CSMD1: variants seen among roughly 807,000 people sequenced by gnomAD.
CSMD1 encodes the protein CUB and Sushi multiple domains 1, also known as CUB and sushi domain-containing protein 1.
In CSMD1, 213 loss-of-function variants were observed where a neutral mutation model predicts 417.5. That is an observed-to-expected ratio of 0.51 (90% CI 0.46 to 0.57). The LOEUF (loss-of-function observed/expected upper bound fraction) is 0.57, where lower values mean the gene tolerates loss of function less well. Ranked by LOEUF, CSMD1 falls within the 20% of genes least tolerant of loss-of-function variation. The pLI is 0.00. For missense variants in CSMD1, 6,923 were observed against 4,529.7 expected, an observed-to-expected ratio of 1.53 and a Z score of -15.17; for synonymous variants, 2,862 against 1,736.8, an observed-to-expected ratio of 1.65 and a Z score of -16.11.
rs564218500 is a variant in CSMD1, at chr8:4,443,802, G to C, written c.303-23737C>G. On this transcript the variant is annotated intron_variant, in intron 2 of 69. Transcript: ENST00000635120. Reference sequence around the variant, plus strand: ...CCAAGTGTGATCTGTGTCATGTCCAGAAAATCCCTTATATGGTGATCACAG... The same window carrying C: ...CCAAGTGTGATCTGTGTCATGTCCACAAAATCCCTTATATGGTGATCACAG... 1.1e-4 allele frequency among the ~76,000 whole-genome samples: 17 copies of C among 152,268 alleles called. No homozygotes were observed. The East Asian group carries it at 3.1e-3, about 28-fold the overall frequency.
chr8:3,013,996 C>A (rs986065158), intron 52 of CSMD1, among the ~76,000 whole-genome samples: 8 of 152,072 alleles, frequency 5.3e-5, no homozygotes, highest in African/African-American at 1.4e-4. Flanking sequence ...AAGTTCTCTG[C>A]CTCTACACTA....
rs200039361 is a variant in CSMD1, at chr8:2,978,753, C to T, written c.8425G>A (p.Gly2809Arg). 4.3e-5 allele frequency: 70 copies of T among 1,613,234 alleles called. No individual in the cohort carries two copies. Among genetic ancestry groups the T allele is most frequent in the Non-Finnish European group, 5.6e-5 (66 of 1,179,662 alleles). ...PGFVENAIRH[G>R]QQNFPESFEY... is the part of the protein sequence containing the mutation. Reference sequence around the variant, plus strand: ...AAACTCTCAGGGAAGTTCTGTTGCCCGTGACGAATGGCATTTTCCACAAAG... The same window carrying T: ...AAACTCTCAGGGAAGTTCTGTTGCCTGTGACGAATGGCATTTTCCACAAAG... Residue 2809 changes from glycine to arginine, a missense_variant, in exon 55 of 70, where the codon GGG becomes AGG. Coordinates refer to ENST00000635120, the MANE Select transcript of CSMD1 (RefSeq NM_033225.6).
chr8:3,022,963 G>A (rs1380737964), intron 51 of CSMD1, among the ~76,000 whole-genome samples: 2 of 152,180 alleles, frequency 1.3e-5, no homozygotes, highest in Non-Finnish European at 2.9e-5. Context: ...TGTCTCTGGG[G>A]CAATGAGCTG....
At chr8:4,826,270 G>C (rs929291404) in intron 1 of CSMD1, among the ~76,000 whole-genome samples, 1 of 151,704 alleles carries the variant, frequency 6.6e-6, no homozygotes, top group Non-Finnish European at 1.5e-5. Context: ...TAAAGAAAAT[G>C]TGACATATAC....
chr8:4,947,197 A>G (rs1808427208), intron 1 of CSMD1, among the ~76,000 whole-genome samples: 1 of 152,202 alleles, frequency 6.6e-6, no homozygotes, highest in Non-Finnish European at 1.5e-5. Context: ...GAATACATTC[A>G]CTGCTGTTAT....
At chr8:4,819,541 T>A (rs1257523849) in intron 1 of CSMD1, among the ~76,000 whole-genome samples, 1 of 152,196 alleles carries the variant, frequency 6.6e-6, no homozygotes, top group Non-Finnish European at 1.5e-5. Context: ...TGTGTTAGAA[T>A]CTCAAATTTT....
intron 11 of CSMD1, among the ~76,000 whole-genome samples, chr8:3,478,674 T>C (rs1563076843): frequency 1.3e-5 from 2 of 152,054 alleles, no homozygotes; most frequent in Non-Finnish European, 2.9e-5. Flanking sequence ...CTTCTCCAGA[T>C]GCAACTGTGA....
chr8:4,991,614 G>A (rs571046157), intron 1 of CSMD1, among the ~76,000 whole-genome samples: 4 of 152,252 alleles, frequency 2.6e-5, no homozygotes, highest in Admixed American at 1.3e-4. Flanking sequence ...TCCTCCCCGG[G>A]AAAGCCCTGC....
At chr8:3,040,746 C>T (rs757470140) in intron 50 of CSMD1, among the ~76,000 whole-genome samples, 1 of 151,988 alleles carries the variant, frequency 6.6e-6, no homozygotes, top group Admixed American at 6.6e-5. Flanking sequence ...GAGGTTAGAG[C>T]GAGTTGAGAT....
chr8:3,908,231 T>A (rs887386078), intron 5 of CSMD1, among the ~76,000 whole-genome samples: 1 of 140,964 alleles, frequency 7.1e-6, no homozygotes, highest in Admixed American at 7.6e-5. Context: ...TTAATTTGCA[T>A]AACAATTTTA....
intron 12 of CSMD1, among the ~76,000 whole-genome samples, chr8:3,455,867 G>C (rs1054318363): frequency 1.3e-5 from 2 of 152,222 alleles, no homozygotes; most frequent in East Asian, 1.9e-4. Flanking sequence ...AGTCTGCAGA[G>C]GTTTCTGCTG....
chr8:3,835,136 C>T (rs1802603979), intron 5 of CSMD1, among the ~76,000 whole-genome samples: 1 of 146,928 alleles, frequency 6.8e-6, no homozygotes, highest in South Asian at 2.2e-4. Flanking sequence ...TAAACTAGTC[C>T]AACCATTGTG....
intron 3 of CSMD1, among the ~76,000 whole-genome samples, chr8:4,315,360 A>G (rs575136760): frequency 5.9e-5 from 9 of 152,304 alleles, no homozygotes. Context: ...CCCAGGTGGC[A>G]GGTACCAGCC....
At chr8:3,564,870 G>T (rs1446943509) in intron 10 of CSMD1, among the ~76,000 whole-genome samples, 1 of 151,902 alleles carries the variant, frequency 6.6e-6, no homozygotes, top group East Asian at 1.9e-4. Flanking sequence ...GCAGTAACGG[G>T]TAAGTCATAG....
chr8:4,155,080 T>C (rs766169696), intron 3 of CSMD1, among the ~76,000 whole-genome samples: 8 of 152,228 alleles, frequency 5.3e-5, no homozygotes, highest in Non-Finnish European at 1.0e-4. Context: ...ATTTGTGCTT[T>C]GAACTCATGC....
chr8:3,388,682 C>G (rs1028795240), intron 17 of CSMD1, among the ~76,000 whole-genome samples: 5 of 152,148 alleles, frequency 3.3e-5, no homozygotes, highest in African/African-American at 9.7e-5. Flanking sequence ...AACTGTTTTT[C>G]TAACAAATTT....
At chr8:4,089,364 G>T (rs181843381) in intron 3 of CSMD1, among the ~76,000 whole-genome samples, 15 of 152,322 alleles carry the variant, frequency 9.8e-5, no homozygotes, top group African/African-American at 3.1e-4. Context: ...CTTTCACTGA[G>T]AAGACATTTT....
intron 3 of CSMD1, among the ~76,000 whole-genome samples, chr8:4,415,963 G>A (rs994794962): frequency 6.6e-6 from 1 of 152,028 alleles, no homozygotes; most frequent in Non-Finnish European, 1.5e-5. Context: ...TGGGATCTCG[G>A]GAAACTAAAG....
At chr8:4,741,111 A>C (rs1026674856) in intron 1 of CSMD1, among the ~76,000 whole-genome samples, 1 of 152,180 alleles carries the variant, frequency 6.6e-6, no homozygotes, top group African/African-American at 2.4e-5. Context: ...GATCCATCCT[A>C]GTATCTCCTC....
Sources: gnomAD v4.1 joint callset for allele counts (sites outside exome capture counted in the v4.1 genomes callset) on GRCh38, gnomAD v4.1.1 for gene constraint, MANE v1.5 for transcripts, NCBI Gene and HGNC (gene_info 2026-07-23, HGNC 2026-07-21) for gene names.